Variants in FGF12 observed in about 807,000 individuals in gnomAD.
The protein encoded by FGF12 is fibroblast growth factor 12B.
In FGF12, 14 loss-of-function variants were observed where a neutral mutation model predicts 23.6. The observed-to-expected ratio is 0.59, with a 90% CI of 0.39 to 0.93. FGF12 has a LOEUF of 0.93. Among genes scored for constraint, FGF12 ranks in the 40% least tolerant of loss-of-function variants. The probability of loss-of-function intolerance (pLI) is 0.00; values close to 1 mark genes in which losing one functional copy is unlikely to be tolerated. For missense variants in FGF12, 175 were observed against 217.8 expected (o/e 0.80, Z 1.24); for synonymous variants, 62 against 77.3 (o/e 0.80, Z 1.04).
intron 2 of FGF12, among the ~76,000 whole-genome samples, chr3:192,486,447 G>A (rs980879103): frequency 6.6e-6 from 1 of 152,010 alleles, no homozygotes; most frequent in African/African-American, 2.4e-5. Flanking sequence ...CTTGATGAAA[G>A]AATGAGCCAT....
intron 4 of FGF12, among the ~76,000 whole-genome samples, chr3:192,215,028 A>G (rs940305820): frequency 2.0e-5 from 3 of 152,130 alleles, no homozygotes; most frequent in African/African-American, 4.8e-5. Context: ...TGACTAATCG[A>G]CATGGAGGTA....
At chr3:192,410,807 T>G (rs1355801454) in intron 2 of FGF12, among the ~76,000 whole-genome samples, 3 of 152,110 alleles carry the variant, frequency 2.0e-5, no homozygotes, top group African/African-American at 4.8e-5. Context: ...AGCTGTGGAA[T>G]GCAATCAGGT....
At chr3:192,158,428 T>TC (rs60346534) in intron 5 of FGF12, among the ~76,000 whole-genome samples, 22 of 99,832 alleles carry the variant, frequency 2.2e-4, no homozygotes, top group African/African-American at 4.9e-4. Context: ...TTTCTTTTTC[T>TC]TTTTTCTTTC....
At chr3:192,644,336 A>G (rs1715919467) in intron 2 of FGF12, among the ~76,000 whole-genome samples, 1 of 152,116 alleles carries the variant, frequency 6.6e-6, no homozygotes, top group Non-Finnish European at 1.5e-5. Context: ...GTTGAGGGGA[A>G]GCAAAGTCCA....
chr3:192,335,393 C>G lies in FGF12; in HGVS notation c.196G>C (p.Ala66Pro). The change falls in exon 4 of 6, where the codon GCC becomes CCC. Residue 66 changes from alanine to proline, a missense_variant. Coordinates refer to ENST00000445105, the MANE Select transcript of FGF12 (RefSeq NM_004113.6). ...IQGVKASLYV[A>P]MNGEGYLYSS... ...TAGAGATAGCCTTCACCATTCATGG[C>G]CACATAGAGGCTAGCCTTCACTCCT... 6.2e-7 allele frequency: 1 copy of G among 1,612,938 alleles called. No individual in the cohort carries two copies.
At chr3:192,337,139 G>C (rs2108703125) in intron 3 of FGF12, among the ~76,000 whole-genome samples, 1 of 152,196 alleles carries the variant, frequency 6.6e-6, no homozygotes, top group East Asian at 1.9e-4. Flanking sequence ...AAAAAGCTAA[G>C]ACATATGGAA....
intron 4 of FGF12, among the ~76,000 whole-genome samples, chr3:192,314,311 A>T (rs1477560322): frequency 6.6e-6 from 1 of 152,188 alleles, no homozygotes; most frequent in Non-Finnish European, 1.5e-5. Flanking sequence ...AATAAAAGCT[A>T]AAAGAGGCAT....
At chr3:192,146,272 A>ATATTTTTTTT (rs746233904) in intron 5 of FGF12, among the ~76,000 whole-genome samples, 2 of 143,278 alleles carry the variant, frequency 1.4e-5, no homozygotes, top group African/African-American at 5.2e-5. Context: ...TAAAGTGTAT[A>ATATTTTTTTT]TTTTTTTTTT....
At chr3:192,501,112 A>C (rs555692557) in intron 2 of FGF12, among the ~76,000 whole-genome samples, 1 of 152,228 alleles carries the variant, frequency 6.6e-6, no homozygotes, top group Non-Finnish European at 1.5e-5. Flanking sequence ...AATTTATATA[A>C]ATGTTTAAAA....
Position 192,514,699 on chromosome 3 carries a change from C to G in FGF12, c.14-154161G>C. The G allele has an allele frequency of 1.0e-6, 1 of 985,406 alleles. No individual in the cohort carries two copies. Among genetic ancestry groups the G allele is most frequent in the Non-Finnish European group, 1.2e-6 (1 of 829,918 alleles). The allele number at this position is 985,406 out of a possible 1,614,324, so 61.0% of individuals were successfully genotyped here. A position where few individuals can be genotyped will look rare whatever the true frequency, so the allele number is the denominator to read the frequency against. On this transcript the variant is annotated intron_variant, in intron 2 of 5. Transcript: ENST00000445105. This position sits in a 1 kb window ranked among gnomAD's most constrained non-coding sequence, Gnocchi z 4.9. ...GCTGTCGCTGGACCTCAGGCTCCTT[C>G]CACAGAGACACTGCAGCATATGCAC...
chr3:192,593,750 G>C (rs1713723835), intron 2 of FGF12, among the ~76,000 whole-genome samples: 1 of 151,882 alleles, frequency 6.6e-6, no homozygotes, highest in Non-Finnish European at 1.5e-5. Flanking sequence ...TCAATTCAAA[G>C]CTAGGCATTG....
chr3:192,638,077 C>A (rs1382803496), intron 2 of FGF12, among the ~76,000 whole-genome samples: 1 of 152,022 alleles, frequency 6.6e-6, no homozygotes, highest in Non-Finnish European at 1.5e-5. Context: ...AAATGGTAAG[C>A]CTTGCCAAAG....
chr3:192,427,710 C>T (rs1397377595), intron 2 of FGF12, among the ~76,000 whole-genome samples: 1 of 152,114 alleles, frequency 6.6e-6, no homozygotes, highest in Non-Finnish European at 1.5e-5. Context: ...AGAGCAGATA[C>T]TGAGAGGCTC....
At chr3:192,208,716 G>T (rs1425682041) in intron 4 of FGF12, among the ~76,000 whole-genome samples, 1 of 152,126 alleles carries the variant, frequency 6.6e-6, no homozygotes, top group African/African-American at 2.4e-5. Context: ...CCTCTTTGAG[G>T]AATGCTTTCA....
chr3:192,627,299 T>C (rs551219116), intron 2 of FGF12, among the ~76,000 whole-genome samples: 15 of 152,166 alleles, frequency 9.9e-5, no homozygotes, highest in African/African-American at 3.1e-4. Flanking sequence ...CAAATATAGT[T>C]GGAAAATATA....
At chr3:192,300,297 T>C (rs1441894183) in intron 4 of FGF12, among the ~76,000 whole-genome samples, 2 of 152,230 alleles carry the variant, frequency 1.3e-5, no homozygotes, top group Non-Finnish European at 2.9e-5. Flanking sequence ...ATGGTGCAAC[T>C]GACTTTAAAA....
chr3:192,478,237 A>G (rs1348622723), intron 2 of FGF12, among the ~76,000 whole-genome samples: 2 of 152,144 alleles, frequency 1.3e-5, no homozygotes, highest in East Asian at 3.9e-4. Flanking sequence ...ACCACAACCC[A>G]AGAAGCAGGT....
intron 2 of FGF12, among the ~76,000 whole-genome samples, chr3:192,641,923 T>C (rs1457026762): frequency 6.6e-6 from 1 of 152,210 alleles, no homozygotes; most frequent in Non-Finnish European, 1.5e-5. Context: ...TTCTATCTGA[T>C]TCTTCACAGA....
At chr3:192,622,642 A>G (rs1165136916) in intron 2 of FGF12, among the ~76,000 whole-genome samples, 1 of 152,234 alleles carries the variant, frequency 6.6e-6, no homozygotes, top group African/African-American at 2.4e-5. Context: ...TAAACTAGAC[A>G]AAGTATTCTC....
Sources: gnomAD v4.1 joint callset for allele counts (sites outside exome capture counted in the v4.1 genomes callset) on GRCh38, gnomAD v4.1.1 for gene constraint, Gnocchi (gnomAD v3.1) non-coding constraint, MANE v1.5 for transcripts, NCBI Gene and HGNC (gene_info 2026-07-23, HGNC 2026-07-21) for gene names.